The following GALC variants were observed in gnomAD, a reference collection of about 807,000 sequenced individuals.
GALC encodes galactocerebrosidase.
A neutral mutation model predicts 91.8 loss-of-function variants in GALC; 77 were observed. The observed-to-expected ratio is 0.84, with a 90% CI of 0.70 to 1.01. GALC has a LOEUF of 1.01. Among genes scored for constraint, GALC ranks in the 50% least tolerant of loss-of-function variants. The pLI is 0.00. For missense variants in GALC, 882 were observed against 855.9 expected (o/e 1.03, Z -0.38); for synonymous variants, 357 against 306.7 (o/e 1.16, Z -1.71).
chr14:87,958,695 G>T (rs1400713791), intron 10 of GALC, among the ~76,000 whole-genome samples: 1 of 152,016 alleles, frequency 6.6e-6, no homozygotes, highest in South Asian at 2.1e-4. Context: ...ATAAATTCAT[G>T]CCCTATGACC....
At chr14:87,970,204 G>A (rs1886227959) in intron 7 of GALC, among the ~76,000 whole-genome samples, 1 of 151,936 alleles carries the variant, frequency 6.6e-6, no homozygotes, top group South Asian at 2.1e-4. Flanking sequence ...TCATCTAGTT[G>A]TCATCCAGTT....
At chr14:87,954,008 C>T (rs1022964117) in intron 10 of GALC, 5 of 1,609,108 alleles carry the variant, frequency 3.1e-6, no homozygotes, top group Non-Finnish European at 3.4e-6. Context: ...TAATTTTACT[C>T]GCAGATGTTG....
chr14:87,977,041 G>C (rs919776819), intron 6 of GALC, among the ~76,000 whole-genome samples: 1 of 141,022 alleles, frequency 7.1e-6, no homozygotes, highest in Admixed American at 7.0e-5. Flanking sequence ...ATGGGGGGGG[G>C]GGGATGAAAC....
intron 1 of GALC, among the ~76,000 whole-genome samples, chr14:87,991,435 C>T (rs1010916146): frequency 1.3e-5 from 2 of 152,192 alleles, no homozygotes; most frequent in African/African-American, 2.4e-5. Flanking sequence ...ATCTCCTGAC[C>T]TCGTGATCCG....
intron 10 of GALC, chr14:87,954,867 T>C: frequency 6.2e-7 from 1 of 1,603,798 alleles, no homozygotes; most frequent in South Asian, 1.1e-5. Flanking sequence ...TGCCATTTAC[T>C]ATGAAGAAAA....
At position 87,982,245 on chromosome 14, in the gene GALC, T is replaced by C. The variant is rs1217317914; in HGVS notation, c.583-2A>G. 3 of 1,578,408 alleles carry C rather than the reference T, an allele frequency of 1.9e-6. No homozygotes were observed. The Admixed American group carries it at 5.0e-5, about 26-fold the overall frequency. ...ATTATATGACCTCTCATTCCAAATC[T>C]GCAAAACAAAAAGTCAAAAAAGTCT... On this transcript the variant is annotated splice_acceptor_variant, in intron 5 of 16. Transcript: ENST00000261304. LOFTEE classifies it high-confidence loss of function.
At chr14:87,979,933 C>T (rs1886665342) in intron 6 of GALC, among the ~76,000 whole-genome samples, 1 of 152,120 alleles carries the variant, frequency 6.6e-6, no homozygotes, top group Non-Finnish European at 1.5e-5. Flanking sequence ...TTATTAATAG[C>T]TCCACTGCCC....
rs116056744 is a variant in GALC at position 87,947,595 on chromosome 14, G to A, written c.1489+133C>T. On this transcript the variant is annotated intron_variant, in intron 13 of 16. Transcript: ENST00000261304. ...GCAAAAAATTAGCCCTCCTTTTACC[G>A]CATATGAGATGTAGGAGGTAAATGA... 1,078 of 842,210 alleles carry A rather than the reference G, an allele frequency of 1.3e-3. 6 individuals are homozygous for A. The African/African-American group carries it at 0.016, about 12-fold the overall frequency. 52.2% of individuals were successfully genotyped at this position (842,210 alleles called of 1,614,324 possible).
intron 10 of GALC, among the ~76,000 whole-genome samples, chr14:87,962,102 T>C (rs1249924873): frequency 6.6e-6 from 1 of 152,108 alleles, no homozygotes; most frequent in Admixed American, 6.6e-5. Flanking sequence ...GTCAGTTTTG[T>C]GTATGCAGGC....
At chr14:87,963,654 C>T in intron 9 of GALC, 143 bp from the exon 10 acceptor site, 1 of 675,504 alleles carries the variant, frequency 1.5e-6, no homozygotes, top group East Asian at 2.8e-5. Flanking sequence ...TATCCGTCAA[C>T]CTCATGTTTA....
At chr14:87,948,742 A>G (rs1027306791) in intron 12 of GALC, among the ~76,000 whole-genome samples, 1 of 152,092 alleles carries the variant, frequency 6.6e-6, no homozygotes, top group Non-Finnish European at 1.5e-5. Flanking sequence ...TTATGAGGAA[A>G]ATCAATTTTA....
chr14:87,966,440 G>A (rs1302101853), intron 8 of GALC, among the ~76,000 whole-genome samples: 1 of 148,562 alleles, frequency 6.7e-6, no homozygotes, highest in Non-Finnish European at 1.5e-5. Flanking sequence ...GTCCCTCACA[G>A]ATTAAAAAAA....
At chr14:87,947,213 C>G (rs1885108999) in intron 13 of GALC, among the ~76,000 whole-genome samples, 1 of 151,850 alleles carries the variant, frequency 6.6e-6, no homozygotes, top group South Asian at 2.1e-4. Context: ...CCTAAATCAC[C>G]TATAACCAAA....
chr14:87,991,058 A>C (rs10138763), intron 1 of GALC, among the ~76,000 whole-genome samples: 22,137 of 152,228 alleles, frequency 0.15, 2,026 homozygotes, highest in African/African-American at 0.25. Flanking sequence ...TCCCAAAAAA[A>C]GAAAGTGAGG....
At chr14:87,954,922 G>A (rs1278901573) in intron 10 of GALC, 21 of 1,543,654 alleles carry the variant, frequency 1.4e-5, no homozygotes, top group African/African-American at 2.7e-5. Context: ...TGGAAGACAT[G>A]ATGTTTACAT....
chr14:87,948,314 AAG>A (rs1034977242), intron 12 of GALC, among the ~76,000 whole-genome samples: 2 of 152,058 alleles, frequency 1.3e-5, no homozygotes, highest in Non-Finnish European at 1.5e-5. Flanking sequence ...TTTTACAATT[AAG>A]AGAGAAAAAT....
At chr14:87,971,250 A>G (rs919867654) in intron 7 of GALC, among the ~76,000 whole-genome samples, 1 of 152,170 alleles carries the variant, frequency 6.6e-6, no homozygotes, top group African/African-American at 2.4e-5. Context: ...CAGATGGTAT[A>G]TGGAAACTAG....
chr14:87,974,278 A>C (rs1162639363), intron 7 of GALC, among the ~76,000 whole-genome samples: 1 of 152,218 alleles, frequency 6.6e-6, no homozygotes, highest in African/African-American at 2.4e-5. Flanking sequence ...GCAAATCCTA[A>C]TGAAAAGAAA....
chr14:87,960,258 G>T (rs970179763), intron 10 of GALC, among the ~76,000 whole-genome samples: 1 of 151,876 alleles, frequency 6.6e-6, no homozygotes, highest in African/African-American at 2.4e-5. Context: ...ACTAGGGTGG[G>T]GCTGGGAAGG....
Sources: gnomAD v4.1 joint callset for allele counts (sites outside exome capture counted in the v4.1 genomes callset) on GRCh38, gnomAD v4.1.1 for gene constraint, MANE v1.5 for transcripts, NCBI Gene and HGNC (gene_info 2026-07-23, HGNC 2026-07-21) for gene names.